NR1H4: variants seen among roughly 807,000 people sequenced by gnomAD.
NR1H4 encodes nuclear receptor subfamily 1 group H member 4, also known as bile acid receptor.
NR1H4 carries 23 observed loss-of-function variants against 58.5 expected under a neutral mutation model. The observed-to-expected ratio is 0.39, with a 90% CI of 0.28 to 0.56. The LOEUF is 0.56. NR1H4 is among the 20% of genes least tolerant of loss of function. The probability of loss-of-function intolerance (pLI) is 0.58; values close to 1 mark genes in which losing one functional copy is unlikely to be tolerated. For missense variants in NR1H4, 487 were observed against 576.9 expected (o/e 0.84, Z 1.60); for synonymous variants, 214 against 198.0 (o/e 1.08, Z -0.68).
chr12:100,486,898 A>G (rs976212732), intron 1 of NR1H4, among the ~76,000 whole-genome samples: 2 of 152,192 alleles, frequency 1.3e-5, no homozygotes, highest in African/African-American at 4.8e-5. Context: ...AACTACATGC[A>G]ATGCAAAACT....
intron 4 of NR1H4, among the ~76,000 whole-genome samples, chr12:100,523,329 GT>G: frequency 6.6e-6 from 1 of 152,200 alleles, no homozygotes; most frequent in African/African-American, 2.4e-5. Context: ...GTTTTCATGT[GT>G]TTTTTGGCCA....
rs200069335 is a variant in NR1H4, at chr12:100,528,372, G to GAA, written c.446-4075_446-4074dup. On this transcript the variant is annotated intron_variant, in intron 4 of 10. Coordinates refer to ENST00000392986, the MANE Select transcript of NR1H4 (RefSeq NM_001206979.2). Reference sequence around the variant, plus strand: ...ACAGAGTGAGGCTCCATCTGGGAAAGAAAAAAAAAAAAGAGGCAGAAAAGC... The same window carrying GAA: ...ACAGAGTGAGGCTCCATCTGGGAAAGAAAAAAAAAAAAAAGAGGCAGAAAAGC... 1.5e-3 allele frequency among the ~76,000 whole-genome samples: 206 copies of GAA among 137,044 alleles called. 1 individual carries two copies. Among genetic ancestry groups the GAA allele is most frequent in the African/African-American group, 4.8e-3 (182 of 37,796 alleles). 89.9% of individuals were successfully genotyped at this position (137,044 alleles called of 152,430 possible). A position where few individuals can be genotyped will look rare whatever the true frequency, so the allele number is the denominator to read the frequency against.
At chr12:100,558,284 G>C (rs1445872432) in intron 9 of NR1H4, among the ~76,000 whole-genome samples, 1 of 149,524 alleles carries the variant, frequency 6.7e-6, no homozygotes, top group Non-Finnish European at 1.5e-5. Context: ...AAGGGACGGA[G>C]GTTGCAGTGA....
chr12:100,527,133 G>A (rs1379733816), intron 4 of NR1H4, among the ~76,000 whole-genome samples: 4 of 152,194 alleles, frequency 2.6e-5, no homozygotes, highest in African/African-American at 7.2e-5. Context: ...TATGGGCTGG[G>A]CACTTGCCAT....
intron 6 of NR1H4, among the ~76,000 whole-genome samples, chr12:100,536,138 A>C (rs1389105710): frequency 6.6e-6 from 1 of 151,760 alleles, no homozygotes; most frequent in African/African-American, 2.4e-5. Context: ...ATATGAATAT[A>C]GTATTCATAG....
rs1023235743 is a variant in NR1H4 at position 100,512,583 on chromosome 12, G to A, written c.445+1440G>A. ...GTGAACCCGAGAGGCAGAGGTTGCAGTGAGCCGAGATCACGCCACTGCACT... is the reference window on the plus strand; with the variant it reads ...GTGAACCCGAGAGGCAGAGGTTGCAATGAGCCGAGATCACGCCACTGCACT... On this transcript the variant is annotated intron_variant, in intron 4 of 10. Coordinates refer to ENST00000392986, the MANE Select transcript of NR1H4 (RefSeq NM_001206979.2). 7.4e-4 allele frequency among the ~76,000 whole-genome samples: 113 copies of A among 151,870 alleles called. 1 individual carries two copies. Among genetic ancestry groups the A allele is most frequent in the Non-Finnish European group, 1.3e-3 (87 of 67,998 alleles).
At chr12:100,527,409 C>T (rs1954586189) in intron 4 of NR1H4, among the ~76,000 whole-genome samples, 1 of 151,962 alleles carries the variant, frequency 6.6e-6, no homozygotes, top group Non-Finnish European at 1.5e-5. Context: ...GGGGTACACC[C>T]ATAGTCCCAG....
chr12:100,486,647 A>C (rs1013521875), intron 1 of NR1H4, among the ~76,000 whole-genome samples: 3 of 152,240 alleles, frequency 2.0e-5, no homozygotes, highest in African/African-American at 7.2e-5. Context: ...TTATCACAGA[A>C]AACAAGCAAG....
At chr12:100,511,931 A>ATG (rs1954128809) in intron 4 of NR1H4, among the ~76,000 whole-genome samples, 1 of 143,426 alleles carries the variant, frequency 7.0e-6, no homozygotes, top group African/African-American at 2.6e-5. Context: ...TCAAAAAATA[A>ATG]TTTTTTTTTT....
chr12:100,510,917 C>T lies in NR1H4; in HGVS notation c.219C>T (p.Tyr73=), dbSNP rs1466768756. 6.2e-7 allele frequency: 1 copy of T among 1,614,054 alleles called. No individual in the cohort carries two copies. Among genetic ancestry groups the T allele is most frequent in the African/African-American group, 1.3e-5 (1 of 74,908 alleles). ...CCTATTATTCCAACCTGGGTTTCTA[C>T]CCCCAGCAGCCTGAAGAGTGGTACT... ...SSSYYSNLGF[Y]PQQPEEWYSP... The change falls in exon 4 of 11, where the codon TAC becomes TAT. Residue 73 remains tyrosine, a synonymous_variant. Coordinates refer to ENST00000392986, the MANE Select transcript of NR1H4 (RefSeq NM_001206979.2).
chr12:100,537,137 A>C, intron 8 of NR1H4, 90 bp downstream of exon 8: 1 of 840,580 alleles, frequency 1.2e-6, no homozygotes. Context: ...CGGTGTTTTA[A>C]TTTTCAAAAC....
chr12:100,506,755 G>T (rs371595871), intron 3 of NR1H4, among the ~76,000 whole-genome samples: 1 of 152,260 alleles, frequency 6.6e-6, no homozygotes, highest in South Asian at 2.1e-4. Context: ...TGATCCACTC[G>T]CCTTTGCCTC....
At chr12:100,513,822 AAGGAAGGAAGGAAGGAAGG>A in intron 4 of NR1H4, among the ~76,000 whole-genome samples, 2 of 94,952 alleles carry the variant, frequency 2.1e-5, no homozygotes, top group African/African-American at 3.8e-5. Flanking sequence ...GGAAGGAAGG[AAGGAAGGAAGGAAGGAAGG>A]AAGGAAGGAA....
chr12:100,543,645 C>T (rs572420662), intron 9 of NR1H4, among the ~76,000 whole-genome samples: 1 of 151,960 alleles, frequency 6.6e-6, no homozygotes. Flanking sequence ...TTCAGTTCTA[C>T]AAGTCTTACT....
intron 3 of NR1H4, among the ~76,000 whole-genome samples, chr12:100,495,873 G>C (rs1257476720): frequency 1.3e-5 from 2 of 152,060 alleles, no homozygotes; most frequent in Admixed American, 6.6e-5. Context: ...CTTCATGTGC[G>C]TAGGGTGGAA....
intron 4 of NR1H4, among the ~76,000 whole-genome samples, chr12:100,517,811 G>A (rs1954305805): frequency 2.0e-5 from 3 of 152,192 alleles, no homozygotes; most frequent in Admixed American, 2.0e-4. Flanking sequence ...GGAAGTGGAA[G>A]CTGAAGCATA....
chr12:100,502,539 G>GT (rs202172954), intron 3 of NR1H4, among the ~76,000 whole-genome samples: 2,343 of 152,158 alleles, frequency 0.015, 73 homozygotes, highest in Non-Finnish European at 0.016. Flanking sequence ...AGTCATATTG[G>GT]ATCTTCATTT....
chr12:100,479,928 A>G (rs779598249), intron 1 of NR1H4, among the ~76,000 whole-genome samples: 24 of 152,346 alleles, frequency 1.6e-4, no homozygotes, highest in Middle Eastern at 3.4e-3. Flanking sequence ...TCCACTTTTC[A>G]GAGAGCTCTT....
At chr12:100,561,003 T>C (rs558750977) in intron 9 of NR1H4, among the ~76,000 whole-genome samples, 1 of 152,150 alleles carries the variant, frequency 6.6e-6, no homozygotes, top group East Asian at 1.9e-4. Flanking sequence ...CTGTGGTGTC[T>C]TTGATTTTGG....
Sources: gnomAD v4.1 joint callset for allele counts (sites outside exome capture counted in the v4.1 genomes callset) on GRCh38, gnomAD v4.1.1 for gene constraint, MANE v1.5 for transcripts, NCBI Gene and HGNC (gene_info 2026-07-23, HGNC 2026-07-21) for gene names.